Variants in MYO10 observed in about 807,000 individuals in gnomAD.
The protein encoded by MYO10 is myosin X, also known as unconventional myosin-X.
A neutral mutation model predicts 257.3 loss-of-function variants in MYO10; 133 were observed. That is an observed-to-expected ratio of 0.52 (90% CI 0.45 to 0.60). MYO10 has a LOEUF of 0.60. MYO10 is among the 20% of genes least tolerant of loss of function. MYO10 has a pLI of 0.00. For missense variants in MYO10, 2,399 were observed against 2,635.7 expected, an observed-to-expected ratio of 0.91 and a Z score of 1.97; for synonymous variants, 1,104 against 1,028.6, an observed-to-expected ratio of 1.07 and a Z score of -1.40.
intron 2 of MYO10, among the ~76,000 whole-genome samples, chr5:16,822,977 G>A (rs571213865): frequency 1.1e-4 from 16 of 151,954 alleles, no homozygotes; most frequent in East Asian, 9.8e-4. Flanking sequence ...GTGAGCCACC[G>A]CACCCGGCCT....
At chr5:16,761,411 G>C in intron 17 of MYO10, 53 bp downstream of exon 17, 1 of 1,368,660 alleles carries the variant, frequency 7.3e-7, no homozygotes, top group Non-Finnish European at 1.0e-6. Flanking sequence ...AAAAGCATTT[G>C]CACAAATATT....
At chr5:16,809,674 T>C (rs1400111523) in intron 3 of MYO10, among the ~76,000 whole-genome samples, 1 of 152,242 alleles carries the variant, frequency 6.6e-6, no homozygotes, top group East Asian at 1.9e-4. Context: ...CAAAGGAGGA[T>C]ATTTTTGAAA....
At chr5:16,742,856 C>T (rs1237508219) in intron 19 of MYO10, among the ~76,000 whole-genome samples, 1 of 151,642 alleles carries the variant, frequency 6.6e-6, no homozygotes, top group African/African-American at 2.4e-5. Flanking sequence ...CGTGATGGCT[C>T]ACGCCTGTAA....
At position 16,711,140 on chromosome 5, in the gene MYO10, A is replaced by G; in HGVS notation, c.2035T>C (p.Phe679Leu). The G allele has an allele frequency of 6.2e-7, 1 of 1,613,968 alleles. No homozygotes were observed. The highest frequency in any genetic ancestry group is 8.5e-7 in the Non-Finnish European group (1 of 1,179,862). The change falls in exon 20 of 41, where the codon TTT becomes CTT. Residue 679 changes from phenylalanine (F) to leucine (L), a missense_variant. Transcript: ENST00000513610. ...TCTTGCCTTTTGTAAAAGTCCTGAAAGGGTCTTCGGACCGCATACCCAGCT... is the reference window on the plus strand; with the variant it reads ...TCTTGCCTTTTGTAAAAGTCCTGAAGGGGTCTTCGGACCGCATACCCAGCT... ...RKAGYAVRRPFQDFYKRYKVL... is the reference protein window; with the variant it reads ...RKAGYAVRRPLQDFYKRYKVL...
intron 2 of MYO10, among the ~76,000 whole-genome samples, chr5:16,856,549 C>CAA (rs879811857): frequency 3.2e-5 from 4 of 124,272 alleles, no homozygotes; most frequent in Admixed American, 8.2e-5. Context: ...GACTGTGTCT[C>CAA]AAAAAAAAAA....
chr5:16,703,240 A>G, intron 22 of MYO10, 82 bp from the exon 23 acceptor site: 2 of 1,079,960 alleles, frequency 1.9e-6, no homozygotes, highest in Non-Finnish European at 2.7e-6. Flanking sequence ...TCAAGGCTAC[A>G]AGACAAAAGA....
At chr5:16,928,276 T>C (rs1187830101) in intron 1 of MYO10, among the ~76,000 whole-genome samples, 1 of 152,046 alleles carries the variant, frequency 6.6e-6, no homozygotes, top group African/African-American at 2.4e-5. Flanking sequence ...CTCACCGTAA[T>C]CTTCACCTCC....
rs1189430076 is a variant in MYO10, at chr5:16,665,445, T to C, written c.*1247A>G. 6.6e-6 allele frequency: 1 copy of C among 152,192 alleles called. No individual in the cohort carries two copies. The highest frequency in any genetic ancestry group is 2.4e-5 in the African/African-American group (1 of 41,462). 9.4% of individuals were successfully genotyped at this position (152,192 alleles called of 1,614,324 possible). On this transcript the variant is annotated 3_prime_UTR_variant, in exon 41 of 41. Coordinates refer to ENST00000513610, the MANE Select transcript of MYO10 (RefSeq NM_012334.3). ...TCCTTAAAACTTTTCCATATAAAAA[T>C]AAAAAGTCCAAGACCAGATTATTTT...
chr5:16,708,862 T>G (rs1738466255), intron 21 of MYO10, among the ~76,000 whole-genome samples: 1 of 152,214 alleles, frequency 6.6e-6, no homozygotes, highest in African/African-American at 2.4e-5. Context: ...TGTGCCTGGC[T>G]TGCAATTTCT....
intron 2 of MYO10, among the ~76,000 whole-genome samples, chr5:16,843,860 C>T (rs1743555839): frequency 6.6e-6 from 1 of 152,156 alleles, no homozygotes; most frequent in Non-Finnish European, 1.5e-5. Flanking sequence ...TTAACAGCAT[C>T]AAAACCAATC....
chr5:16,690,374 T>C (rs1449119405), intron 27 of MYO10, among the ~76,000 whole-genome samples: 1 of 152,070 alleles, frequency 6.6e-6, no homozygotes, highest in Non-Finnish European at 1.5e-5. Flanking sequence ...CCAAAAGACA[T>C]GGAGGGACCT....
chr5:16,662,215 A>G lies in MYO10; in HGVS notation c.*4477T>C, dbSNP rs1320380112. 2.0e-5 allele frequency: 3 copies of G among 151,936 alleles called. No individual in the cohort carries two copies. The highest frequency in any genetic ancestry group is 4.8e-5 in the African/African-American group (2 of 41,382). 9.4% of individuals were successfully genotyped at this position (151,936 alleles called of 1,614,324 possible). On this transcript the variant is annotated 3_prime_UTR_variant, in exon 41 of 41. Coordinates refer to ENST00000513610, the MANE Select transcript of MYO10 (RefSeq NM_012334.3). ...TTATTTTTATACCCAATACACACAA[A>G]TACAGAACTTTACTATAGCAGATTT...
At chr5:16,794,250 G>T (rs765161872) in intron 4 of MYO10, among the ~76,000 whole-genome samples, 1 of 152,090 alleles carries the variant, frequency 6.6e-6, no homozygotes, top group Non-Finnish European at 1.5e-5. Flanking sequence ...CATAAGCCTT[G>T]TGAGTAGCAC....
chr5:16,713,361 C>G lies in MYO10; in HGVS notation c.1930-2116G>C, dbSNP rs767205541. 7 of 985,754 alleles carry G rather than the reference C, an allele frequency of 7.1e-6. No homozygotes were observed. The Admixed American group carries it at 2.5e-4, about 35-fold the overall frequency. 61.1% of individuals were successfully genotyped at this position (985,754 alleles called of 1,614,324 possible). On this transcript the variant is annotated intron_variant, in intron 19 of 40. Coordinates refer to ENST00000513610, the MANE Select transcript of MYO10 (RefSeq NM_012334.3). The stretch of plus-strand genomic sequence containing the variant: ...CCTGTCTCTCCAAGGGGCATCTCAC[C>G]TTCAGTTTGGCTCTTGGGCCAAAAT...
In MYO10 at chr5:16,663,666, T is replaced by C. The variant is rs889798367; in HGVS notation, c.*3026A>G. 1 of 152,198 alleles carries C rather than the reference T, an allele frequency of 6.6e-6. No individual in the cohort carries two copies. Among genetic ancestry groups the C allele is most frequent in the African/African-American group, 2.4e-5 (1 of 41,422 alleles). 9.4% of individuals were successfully genotyped at this position (152,198 alleles called of 1,614,324 possible). Reference sequence around the variant, plus strand: ...GGCTGCAATGAGCTGTGACTGTGCCTCTGCACTGTAGCCTGGTGACAGAGT... The same window carrying C: ...GGCTGCAATGAGCTGTGACTGTGCCCCTGCACTGTAGCCTGGTGACAGAGT... On this transcript the variant is annotated 3_prime_UTR_variant, in exon 41 of 41. Transcript: ENST00000513610.
At chr5:16,820,903 C>A (rs1304841280) in intron 2 of MYO10, among the ~76,000 whole-genome samples, 1 of 147,592 alleles carries the variant, frequency 6.8e-6, no homozygotes, top group Non-Finnish European at 1.5e-5. Context: ...ATACATATAT[C>A]TTATATGTAT....
At chr5:16,917,702 A>T (rs1039714359) in intron 1 of MYO10, among the ~76,000 whole-genome samples, 2 of 151,822 alleles carry the variant, frequency 1.3e-5, no homozygotes, top group South Asian at 4.2e-4. Context: ...TACAAAAAAA[A>T]AAAGGAAAAA....
At chr5:16,695,536 AAAAG>A (rs1319216659) in intron 26 of MYO10, among the ~76,000 whole-genome samples, 3 of 152,238 alleles carry the variant, frequency 2.0e-5, no homozygotes, top group East Asian at 3.9e-4. Flanking sequence ...GAAAAAAAAA[AAAAG>A]AAAGCAAGAG....
At chr5:16,798,120 G>A (rs1560990608) in intron 3 of MYO10, among the ~76,000 whole-genome samples, 2 of 152,156 alleles carry the variant, frequency 1.3e-5, no homozygotes, top group African/African-American at 4.8e-5. Context: ...GACACAGCAA[G>A]AGGGTCCCAC....
Sources: gnomAD v4.1 joint callset for allele counts (sites outside exome capture counted in the v4.1 genomes callset) on GRCh38, gnomAD v4.1.1 for gene constraint, MANE v1.5 for transcripts, NCBI Gene and HGNC (gene_info 2026-07-23, HGNC 2026-07-21) for gene names.